The following FNDC3B variants were observed in gnomAD, a reference collection of about 807,000 sequenced individuals.
FNDC3B encodes fibronectin type III domain containing 3B.
FNDC3B carries 12 observed loss-of-function variants against 151.5 expected under a neutral mutation model. That is an observed-to-expected ratio of 0.08 (90% CI 0.05 to 0.13). FNDC3B has a LOEUF of 0.13. Ranked by LOEUF, FNDC3B falls within the 10% of genes least tolerant of loss-of-function variation. The pLI is 1.00. For synonymous variants in FNDC3B, 528 were observed against 549.0 expected, an observed-to-expected ratio of 0.96 and a Z score of 0.54; for missense variants, 1,214 against 1,505.3, an observed-to-expected ratio of 0.81 and a Z score of 3.20.
chr3:172,339,562 C>T (rs568570568), intron 16 of FNDC3B, among the ~76,000 whole-genome samples: 56 of 151,818 alleles, frequency 3.7e-4, no homozygotes, highest in African/African-American at 1.3e-3. Context: ...GACTCTGTCT[C>T]GGAAGAAAAA....
intron 3 of FNDC3B, among the ~76,000 whole-genome samples, chr3:172,175,384 G>A (rs1441573170): frequency 2.6e-5 from 4 of 152,058 alleles, no homozygotes; most frequent in African/African-American, 9.7e-5. Context: ...GTAGGTAGGC[G>A]GATGGGCGGG....
intron 1 of FNDC3B, among the ~76,000 whole-genome samples, chr3:172,080,589 A>G (rs1345849939): frequency 6.6e-6 from 1 of 151,932 alleles, no homozygotes; most frequent in African/African-American, 2.4e-5. Context: ...GAATCGTTGA[A>G]TTTTTGACTC....
rs142905259 is a variant in FNDC3B, at chr3:172,321,205, A to G, written c.1255-7747A>G. On this transcript the variant is annotated intron_variant, in intron 11 of 25. Transcript: ENST00000415807. ...GACTCCTGTGGTTTTAGGCTATGTC[A>G]TACCTAAACTGTCCCCTAGAGACCA... is the stretch of plus-strand genomic sequence containing the variant. 6.7e-3 allele frequency among the ~76,000 whole-genome samples: 1,025 copies of G among 152,338 alleles called. 5 individuals carry two copies. Among genetic ancestry groups the G allele is most frequent in the Non-Finnish European group, 9.9e-3 (676 of 68,034 alleles).
chr3:172,362,677 G>C lies in FNDC3B; in HGVS notation c.2840G>C (p.Ser947Thr). The change falls in exon 23 of 26, where the codon AGT (serine) becomes ACT (threonine). Residue 947 changes from serine (S) to threonine (T), a missense_variant. Ser to Thr is a moderately conservative substitution (Grantham distance 58). This residue lies in a region of FNDC3B where 284 missense variants were observed against 392.4 expected (regional missense o/e 0.72). Coordinates refer to ENST00000415807, the MANE Select transcript of FNDC3B (RefSeq NM_022763.4). ...AATGAAATTGGAGCTGGACCATTTA[G>C]TCAGTTCATTAAAGCAAAAACTCGG... Reference protein sequence around the residue: ...AINEIGAGPFSQFIKAKTRPL... With the variant: ...AINEIGAGPFTQFIKAKTRPL... 6.2e-7 allele frequency: 1 copy of C among 1,614,004 alleles called. No homozygotes were observed. Among genetic ancestry groups the C allele is most frequent in the African/African-American group, 1.3e-5 (1 of 74,996 alleles).
At chr3:172,329,283 T>C (rs967794825) in intron 12 of FNDC3B, 18 of 506,746 alleles carry the variant, frequency 3.6e-5, no homozygotes, top group East Asian at 1.6e-4. Flanking sequence ...GCAAGCTGTA[T>C]TGCGAAGGCC....
At chr3:172,344,335 A>G in intron 19 of FNDC3B, 77 bp downstream of exon 19, 1 of 1,372,510 alleles carries the variant, frequency 7.3e-7, no homozygotes. Flanking sequence ...TTCTGTCTCT[A>G]GCCTCCTGAA....
At chr3:172,356,147 T>C (rs1263196163) in intron 22 of FNDC3B, among the ~76,000 whole-genome samples, 1 of 152,204 alleles carries the variant, frequency 6.6e-6, no homozygotes, top group African/African-American at 2.4e-5. Flanking sequence ...CAGAAGTGAA[T>C]CATAAATCAT....
chr3:172,103,100 C>T (rs62283811), intron 1 of FNDC3B, among the ~76,000 whole-genome samples: 16,137 of 152,058 alleles, frequency 0.11, 1,197 homozygotes, highest in African/African-American at 0.2. Context: ...TGGTTAATTA[C>T]GTCTGCAAGC....
intron 23 of FNDC3B, among the ~76,000 whole-genome samples, chr3:172,370,678 T>C (rs1734841279): frequency 6.6e-6 from 1 of 152,252 alleles, no homozygotes; most frequent in Admixed American, 6.5e-5. Flanking sequence ...CTTTTTGCTC[T>C]TGAAAGCTTG....
At chr3:172,341,073 T>C (rs764063434) in intron 16 of FNDC3B, 40 bp from the exon 17 acceptor site, 1 of 1,353,146 alleles carries the variant, frequency 7.4e-7, no homozygotes, top group South Asian at 1.2e-5. Context: ...GCTACATTTT[T>C]ACAAGAGGCA....
intron 25 of FNDC3B, among the ~76,000 whole-genome samples, chr3:172,390,930 A>T (rs1248498868): frequency 5.9e-5 from 9 of 152,152 alleles, no homozygotes. Context: ...TCATGGAAAT[A>T]CCAGAGAGTT....
At chr3:172,306,137 G>A (rs917165374) in intron 9 of FNDC3B, among the ~76,000 whole-genome samples, 1 of 152,180 alleles carries the variant, frequency 6.6e-6, no homozygotes, top group African/African-American at 2.4e-5. Context: ...GTGGAGAAAT[G>A]ACTTTGCAAA....
Position 172,397,288 on chromosome 3 carries a change from G to C in FNDC3B, c.3428G>C (p.Ser1143Thr). The change falls in exon 26 of 26, where the codon AGC (serine) becomes ACC (threonine). Residue 1143 changes from serine to threonine, a missense_variant. Physicochemically the swap from Ser to Thr is moderately conservative, Grantham distance 58 (BLOSUM62 1). Coordinates refer to ENST00000415807, the MANE Select transcript of FNDC3B (RefSeq NM_022763.4). ...DTSQELSGAF[S>T]PSAAFVLQRS... Reference sequence around the variant, plus strand: ...TCTCAGGAGCTAAGCGGAGCCTTCAGCCCCTCTGCGGCTTTTGTATTACAA... The same window carrying C: ...TCTCAGGAGCTAAGCGGAGCCTTCACCCCCTCTGCGGCTTTTGTATTACAA... The C allele has an allele frequency of 6.2e-7, 1 of 1,614,182 alleles. No individual in the cohort carries two copies. The highest frequency in any genetic ancestry group is 8.5e-7 in the Non-Finnish European group (1 of 1,180,012).
intron 2 of FNDC3B, among the ~76,000 whole-genome samples, chr3:172,125,238 G>A (rs186823333): frequency 6.6e-6 from 1 of 152,298 alleles, no homozygotes; most frequent in African/African-American, 2.4e-5. Flanking sequence ...TCTGAAAATT[G>A]AGGACTAAGC....
At chr3:172,126,852 T>C in intron 2 of FNDC3B, 1 of 296,894 alleles carries the variant, frequency 3.4e-6, no homozygotes, top group South Asian at 3.0e-5. Context: ...TATGATAATC[T>C]TAATTAGAAG....
intron 2 of FNDC3B, among the ~76,000 whole-genome samples, chr3:172,120,575 GGT>G (rs559698064): frequency 7.0e-4 from 106 of 151,398 alleles, no homozygotes; most frequent in African/African-American, 2.5e-3. Context: ...CATGGGGGGG[GGT>G]GTGTGTGTTG....
At chr3:172,341,280 C>T (rs1185209444) in intron 17 of FNDC3B, 49 bp downstream of exon 17, 1 of 1,317,420 alleles carries the variant, frequency 7.6e-7, no homozygotes, top group Admixed American at 1.7e-5. Context: ...CAAATTCGGA[C>T]AAACTGTCTA....
At chr3:172,194,777 C>T (rs569488942) in intron 3 of FNDC3B, among the ~76,000 whole-genome samples, 1 of 152,148 alleles carries the variant, frequency 6.6e-6, no homozygotes, top group African/African-American at 2.4e-5. Context: ...TTACCTGGGG[C>T]CTATACATTT....
intron 1 of FNDC3B, among the ~76,000 whole-genome samples, chr3:172,094,198 C>T (rs981143750): frequency 6.9e-6 from 1 of 145,126 alleles, no homozygotes; most frequent in Non-Finnish European, 1.5e-5. Context: ...CATTGTGTAA[C>T]CACCACCACT....
Sources: allele counts gnomAD v4.1 joint callset (sites outside exome capture counted in the v4.1 genomes callset), GRCh38; gene constraint gnomAD v4.1.1; regional missense constraint gnomAD v4.1.1; transcripts MANE v1.5; gene names NCBI Gene and HGNC (gene_info 2026-07-23, HGNC 2026-07-21).